The following CFAP299 variants were observed in gnomAD, a reference collection of about 807,000 sequenced individuals.
The protein encoded by CFAP299 is cilia and flagella associated protein 299.
In CFAP299, 21 loss-of-function variants were observed where a neutral mutation model predicts 27.0. The observed-to-expected ratio is 0.78, with a 90% CI of 0.55 to 1.12. The LOEUF is 1.12. Ranked by LOEUF, CFAP299 falls within the 50% of genes most tolerant of loss-of-function variation. CFAP299 has a pLI of 0.00. For synonymous variants in CFAP299, 104 were observed against 98.1 expected (o/e 1.06, Z -0.36); for missense variants, 310 against 276.6 (o/e 1.12, Z -0.86).
chr4:80,953,577 G>T (rs1429791480), intron 5 of CFAP299, among the ~76,000 whole-genome samples: 1 of 152,016 alleles, frequency 6.6e-6, no homozygotes, highest in Non-Finnish European at 1.5e-5. Flanking sequence ...AAACTTAAAT[G>T]TCATGTCCTC....
intron 3 of CFAP299, among the ~76,000 whole-genome samples, chr4:80,592,473 T>C (rs72863149): frequency 0.079 from 11,953 of 152,194 alleles, 711 homozygotes; most frequent in East Asian, 0.26. Flanking sequence ...AAGGAAAAAA[T>C]AATTTGCTAT....
At chr4:80,441,490 C>T (rs1309489907) in intron 2 of CFAP299, among the ~76,000 whole-genome samples, 3 of 152,212 alleles carry the variant, frequency 2.0e-5, no homozygotes, top group African/African-American at 7.2e-5. Context: ...AAATCCTTTA[C>T]AGACAAACAA....
intron 2 of CFAP299, among the ~76,000 whole-genome samples, chr4:80,557,537 C>T (rs1734838241): frequency 6.6e-6 from 1 of 152,008 alleles, no homozygotes; most frequent in Non-Finnish European, 1.5e-5. Context: ...GAGTTACTGC[C>T]ATCAGTACTT....
At chr4:80,695,151 T>C (rs185365248) in intron 3 of CFAP299, among the ~76,000 whole-genome samples, 21 of 152,358 alleles carry the variant, frequency 1.4e-4, no homozygotes, top group African/African-American at 5.0e-4. Flanking sequence ...ATAGTATTTC[T>C]ATATTAAGTC....
intron 2 of CFAP299, among the ~76,000 whole-genome samples, chr4:80,403,784 C>G (rs570517284): frequency 6.6e-6 from 1 of 152,138 alleles, no homozygotes; most frequent in African/African-American, 2.4e-5. Context: ...AAGCTCCATA[C>G]GAGCAAATAC....
intron 2 of CFAP299, among the ~76,000 whole-genome samples, chr4:80,431,057 A>C (rs1436377042): frequency 6.6e-6 from 1 of 152,144 alleles, no homozygotes; most frequent in African/African-American, 2.4e-5. Flanking sequence ...CTTCCTTCAC[A>C]GCAGCTGTCT....
upstream of CFAP299, among the ~76,000 whole-genome samples, chr4:80,335,339 CGTT>C (rs1175288938): frequency 1.3e-4 from 20 of 152,000 alleles, no homozygotes; most frequent in Non-Finnish European, 1.0e-4. Context: ...TTATTATTGT[CGTT>C]GTCACAACAC....
At chr4:80,639,992 G>A (rs1203938409) in intron 3 of CFAP299, among the ~76,000 whole-genome samples, 10 of 152,086 alleles carry the variant, frequency 6.6e-5, no homozygotes, top group Admixed American at 5.9e-4. Context: ...GTTTTAATGG[G>A]CATGGAGTTT....
At chr4:80,625,349 A>G (rs1466652001) in intron 3 of CFAP299, among the ~76,000 whole-genome samples, 1 of 152,040 alleles carries the variant, frequency 6.6e-6, no homozygotes, top group African/African-American at 2.4e-5. Context: ...TTTGTAGGTC[A>G]TATGGAAACC....
intron 3 of CFAP299, among the ~76,000 whole-genome samples, chr4:80,859,280 C>A (rs1002281338): frequency 6.6e-6 from 1 of 152,080 alleles, no homozygotes; most frequent in Non-Finnish European, 1.5e-5. Context: ...TTCCTCCATC[C>A]TTTTATTTTG....
chr4:80,388,350 C>T (rs1725135257), intron 2 of CFAP299: 1 of 682,604 alleles, frequency 1.5e-6, no homozygotes, highest in Non-Finnish European at 2.7e-6. Flanking sequence ...GACAGGGGCA[C>T]TGTGATGTAT....
At chr4:80,789,977 A>AGT (rs887859983) in intron 3 of CFAP299, among the ~76,000 whole-genome samples, 3 of 152,018 alleles carry the variant, frequency 2.0e-5, no homozygotes, top group African/African-American at 7.2e-5. Flanking sequence ...TTCTTACCTT[A>AGT]GTAGGAATCA....
At chr4:80,904,071 T>C (rs1472483814) in intron 4 of CFAP299, among the ~76,000 whole-genome samples, 1 of 152,182 alleles carries the variant, frequency 6.6e-6, no homozygotes, top group Non-Finnish European at 1.5e-5. Flanking sequence ...AAATATGAAG[T>C]GCAATTAGCT....
chr4:80,847,018 G>T (rs932274856), intron 3 of CFAP299, among the ~76,000 whole-genome samples: 1 of 152,096 alleles, frequency 6.6e-6, no homozygotes, highest in Non-Finnish European at 1.5e-5. Context: ...AATCCCTTTG[G>T]TCAGAAGAAT....
the CFAP299 span, among the ~76,000 whole-genome samples, chr4:80,321,763 C>T: frequency 6.6e-6 from 1 of 152,214 alleles, no homozygotes; most frequent in East Asian, 1.9e-4. Flanking sequence ...ATCATCCTTC[C>T]TGTCTCCACA....
intron 2 of CFAP299, among the ~76,000 whole-genome samples, chr4:80,529,191 C>G (rs1407241853): frequency 2.0e-5 from 3 of 152,092 alleles, no homozygotes; most frequent in Non-Finnish European, 4.4e-5. Context: ...TCACTTGTAT[C>G]TCTGCCAGCA....
At chr4:80,522,517 C>T (rs1391457877) in intron 2 of CFAP299, among the ~76,000 whole-genome samples, 1 of 151,974 alleles carries the variant, frequency 6.6e-6, no homozygotes. Context: ...TGTATTCTCA[C>T]TTGTCTATTT....
chr4:80,386,364 G>A, intron 2 of CFAP299: 2 of 1,466,296 alleles, frequency 1.4e-6, no homozygotes, highest in South Asian at 2.5e-5. Context: ...CTCTGCGAAG[G>A]GCGGCTTGCC....
chr4:80,840,882 G>A (rs986089762), intron 3 of CFAP299, among the ~76,000 whole-genome samples: 6 of 151,936 alleles, frequency 3.9e-5, no homozygotes, highest in Non-Finnish European at 7.4e-5. Flanking sequence ...TTTCTTTTAT[G>A]TATGAGGAAA....
Sources: allele counts gnomAD v4.1 joint callset (sites outside exome capture counted in the v4.1 genomes callset), GRCh38; gene constraint gnomAD v4.1.1; transcripts MANE v1.5; gene names NCBI Gene and HGNC (gene_info 2026-07-23, HGNC 2026-07-21).